The following CSMD1 variants were observed in gnomAD, a reference collection of about 807,000 sequenced individuals.
CSMD1 encodes the protein CUB and sushi domain-containing protein 1.
Under a neutral mutation model 417.5 loss-of-function variants are expected in CSMD1, and 213 were observed. The observed-to-expected ratio is 0.51, with a 90% CI of 0.46 to 0.57. The LOEUF is 0.57. Among genes scored for constraint, CSMD1 ranks in the 20% least tolerant of loss-of-function variants. The pLI is 0.00. For missense variants in CSMD1, 6,923 were observed against 4,529.7 expected, an observed-to-expected ratio of 1.53 and a Z score of -15.17; for synonymous variants, 2,862 against 1,736.8, an observed-to-expected ratio of 1.65 and a Z score of -16.11.
At chr8:3,084,147 C>G (rs1814345982) in intron 49 of CSMD1, among the ~76,000 whole-genome samples, 1 of 152,162 alleles carries the variant, frequency 6.6e-6, no homozygotes. Context: ...AGAAAAGCAG[C>G]TGAAAACCCA....
intron 5 of CSMD1, among the ~76,000 whole-genome samples, chr8:3,855,957 A>T (rs1804278227): frequency 6.6e-6 from 1 of 152,096 alleles, no homozygotes. Flanking sequence ...GCATCTCCCT[A>T]CTACTGAGTT....
intron 5 of CSMD1, among the ~76,000 whole-genome samples, chr8:3,974,062 G>C (rs140780735): frequency 6.6e-6 from 1 of 151,936 alleles, no homozygotes; most frequent in Non-Finnish European, 1.5e-5. Flanking sequence ...TAGTCTCCTC[G>C]TTGTGCTCTG....
intron 5 of CSMD1, among the ~76,000 whole-genome samples, chr8:3,835,242 C>G (rs1027873397): frequency 6.6e-6 from 1 of 151,730 alleles, no homozygotes; most frequent in Non-Finnish European, 1.5e-5. Context: ...GATTATAAAT[C>G]ATGCTGCTAT....
Position 4,109,679 on chromosome 8 carries a change from T to C in CSMD1, c.416-77580A>G, listed in dbSNP as rs140141073. Among the ~76,000 whole-genome samples the C allele has an allele frequency of 5.6e-3, 860 of 152,280 alleles. 6 individuals carry two copies. Among genetic ancestry groups the C allele is most frequent in the African/African-American group, 0.02 (813 of 41,560 alleles). ...TTTGTTGTCCATTATCATTAAATAA[T>C]TTTCAAGATACTCCGAGGCATATGA... On this transcript the variant is annotated intron_variant, in intron 3 of 69. Coordinates refer to ENST00000635120, the MANE Select transcript of CSMD1 (RefSeq NM_033225.6).
At chr8:4,091,312 A>C (rs1390575767) in intron 3 of CSMD1, among the ~76,000 whole-genome samples, 1 of 152,184 alleles carries the variant, frequency 6.6e-6, no homozygotes, top group African/African-American at 2.4e-5. Flanking sequence ...CTGATTCAAT[A>C]AATATTTTGT....
chr8:3,086,250 C>G (rs974387525), intron 49 of CSMD1, among the ~76,000 whole-genome samples: 2 of 152,158 alleles, frequency 1.3e-5, no homozygotes, highest in Non-Finnish European at 2.9e-5. Context: ...GAGTCTATCT[C>G]TATGTTTATT....
chr8:4,667,960 T>A (rs1021908049), intron 1 of CSMD1, among the ~76,000 whole-genome samples: 3 of 152,252 alleles, frequency 2.0e-5, no homozygotes, highest in African/African-American at 7.2e-5. Context: ...TTCTTTTACC[T>A]GCCATTGCAT....
chr8:4,053,216 C>T (rs562354385), intron 3 of CSMD1, among the ~76,000 whole-genome samples: 2 of 152,306 alleles, frequency 1.3e-5, no homozygotes, highest in South Asian at 2.1e-4. Flanking sequence ...TAAAAAGTCA[C>T]TAACAACAGC....
intron 1 of CSMD1, among the ~76,000 whole-genome samples, chr8:4,681,052 G>GA: frequency 6.6e-6 from 1 of 151,618 alleles, no homozygotes; most frequent in East Asian, 2.0e-4. Flanking sequence ...TTTAAATTCA[G>GA]AAAAATTAAC....
intron 2 of CSMD1, among the ~76,000 whole-genome samples, chr8:4,491,270 C>G (rs79236459): frequency 0.11 from 16,117 of 152,058 alleles, 1,064 homozygotes; most frequent in South Asian, 0.2. Flanking sequence ...GAGACCATCA[C>G]GGAAGATCCC....
intron 3 of CSMD1, among the ~76,000 whole-genome samples, chr8:4,288,874 G>A (rs552957250): frequency 6.6e-6 from 1 of 152,138 alleles, no homozygotes; most frequent in South Asian, 2.1e-4. Context: ...ATTATTTTAA[G>A]AGTAAATATT....
chr8:3,477,548 C>A (rs975176991), intron 11 of CSMD1, among the ~76,000 whole-genome samples: 1 of 152,144 alleles, frequency 6.6e-6, no homozygotes, highest in African/African-American at 2.4e-5. Context: ...GGTACCTGGG[C>A]AGACTCATTC....
intron 5 of CSMD1, among the ~76,000 whole-genome samples, chr8:3,993,216 T>A (rs951603491): frequency 1.3e-5 from 2 of 152,208 alleles, no homozygotes; most frequent in African/African-American, 4.8e-5. Flanking sequence ...GTGTTAGTGC[T>A]GCAAATTTTC....
chr8:3,696,710 C>G (rs991742752), intron 7 of CSMD1, among the ~76,000 whole-genome samples: 8 of 152,142 alleles, frequency 5.3e-5, no homozygotes, highest in Non-Finnish European at 1.2e-4. Flanking sequence ...TCCAATTGTC[C>G]ATTTTAATCG....
intron 3 of CSMD1, among the ~76,000 whole-genome samples, chr8:4,364,104 C>T (rs1334232412): frequency 2.6e-5 from 4 of 152,110 alleles, no homozygotes; most frequent in Non-Finnish European, 4.4e-5. Flanking sequence ...CCCCATTCCC[C>T]ATCATGTCTT....
At chr8:4,645,752 G>C (rs1417300799) in intron 1 of CSMD1, among the ~76,000 whole-genome samples, 2 of 152,122 alleles carry the variant, frequency 1.3e-5, no homozygotes, top group Non-Finnish European at 2.9e-5. Flanking sequence ...AATTTTACGT[G>C]AAAGATGATG....
At chr8:3,003,342 ATC>A (rs1790228770) in intron 52 of CSMD1, among the ~76,000 whole-genome samples, 1 of 152,170 alleles carries the variant, frequency 6.6e-6, no homozygotes, top group South Asian at 2.1e-4. Flanking sequence ...TTCTTTTAAT[ATC>A]TCTGATGTAG....
intron 1 of CSMD1, among the ~76,000 whole-genome samples, chr8:4,861,705 T>A (rs1802142581): frequency 6.6e-6 from 1 of 152,110 alleles, no homozygotes; most frequent in Non-Finnish European, 1.5e-5. Context: ...AATAGGTTAA[T>A]TTGCTTTAAA....
chr8:4,951,021 C>T (rs1418049707), intron 1 of CSMD1, among the ~76,000 whole-genome samples: 1 of 151,764 alleles, frequency 6.6e-6, no homozygotes, highest in African/African-American at 2.4e-5. Flanking sequence ...AGAGAAGGGA[C>T]CTATACATAA....
Sources: gnomAD v4.1 joint callset for allele counts (sites outside exome capture counted in the v4.1 genomes callset) on GRCh38, gnomAD v4.1.1 for gene constraint, MANE v1.5 for transcripts, NCBI Gene and HGNC (gene_info 2026-07-23, HGNC 2026-07-21) for gene names.